NKAIN3: variants seen among roughly 807,000 people sequenced by gnomAD.
The protein encoded by NKAIN3 is sodium/potassium-transporting ATPase subunit beta-1-interacting protein 3.
In NKAIN3, 25 loss-of-function variants were observed where a neutral mutation model predicts 30.2. The observed-to-expected ratio is 0.83, with a 90% CI of 0.60 to 1.16. The LOEUF (loss-of-function observed/expected upper bound fraction) is 1.16. NKAIN3 is among the 50% of genes most tolerant of loss of function. NKAIN3 has a pLI of 0.00. For missense variants in NKAIN3, 225 were observed against 254.1 expected (o/e 0.89, Z 0.78); for synonymous variants, 91 against 89.6 (o/e 1.02, Z -0.09).
At position 62,465,717 on chromosome 8, in the gene NKAIN3, T is replaced by C. The variant is rs947448986; in HGVS notation, c.55-113822T>C. Among the ~76,000 whole-genome samples, 4 of 152,330 alleles carry C rather than the reference T, an allele frequency of 2.6e-5. No homozygotes were observed. The East Asian group carries it at 7.7e-4, about 29-fold the overall frequency. On this transcript the variant is annotated intron_variant, in intron 1 of 6. Transcript: ENST00000623646. ...TAATTACTTGTTTAAATAAAACTAA[T>C]TCAAATATAAGAGATACTTTCATTT...
intron 3 of NKAIN3, among the ~76,000 whole-genome samples, chr8:62,741,545 G>C (rs565769028): frequency 7.2e-5 from 11 of 152,254 alleles, no homozygotes; most frequent in African/African-American, 2.6e-4. Flanking sequence ...TTGAAGAGTC[G>C]AGGCTGAGAG....
intron 4 of NKAIN3, among the ~76,000 whole-genome samples, chr8:62,868,058 G>A (rs1820480520): frequency 6.6e-6 from 1 of 152,188 alleles, no homozygotes; most frequent in South Asian, 2.1e-4. Context: ...TGCAAAGAGT[G>A]TACTGGATCT....
chr8:62,686,843 C>T (rs1170525780), intron 3 of NKAIN3, among the ~76,000 whole-genome samples: 2 of 152,140 alleles, frequency 1.3e-5, no homozygotes, highest in African/African-American at 2.4e-5. Context: ...AGTAAACAAC[C>T]ACATGCATAT....
intron 3 of NKAIN3, among the ~76,000 whole-genome samples, chr8:62,606,270 G>A (rs1563480551): frequency 6.6e-6 from 1 of 152,070 alleles, no homozygotes; most frequent in African/African-American, 2.4e-5. Flanking sequence ...GTTACAGATT[G>A]TAACAATCAG....
At chr8:62,749,679 C>CTTTTTTTTTTTT (rs35908903) in intron 4 of NKAIN3, among the ~76,000 whole-genome samples, 6 of 97,264 alleles carry the variant, frequency 6.2e-5, no homozygotes, top group East Asian at 2.8e-4. Context: ...TTTTTCTTTT[C>CTTTTTTTTTTTT]TTTTTTTTTT....
intron 1 of NKAIN3, among the ~76,000 whole-genome samples, chr8:62,546,751 C>A (rs1312412637): frequency 1.3e-5 from 2 of 152,046 alleles, no homozygotes; most frequent in African/African-American, 4.8e-5. Flanking sequence ...TTAAACATAA[C>A]CTTTAAAAAT....
chr8:62,397,400 C>T (rs113636424), intron 1 of NKAIN3, among the ~76,000 whole-genome samples: 4 of 151,500 alleles, frequency 2.6e-5, no homozygotes, highest in Admixed American at 6.6e-5. Context: ...TTGTTTTCCT[C>T]AGGAGCACAA....
At chr8:62,762,959 C>A (rs1816714211) in intron 4 of NKAIN3, among the ~76,000 whole-genome samples, 1 of 151,984 alleles carries the variant, frequency 6.6e-6, no homozygotes, top group Admixed American at 6.6e-5. Flanking sequence ...CACAGTGGCT[C>A]ACACCTGTAA....
chr8:62,939,081 AG>A (rs1323576291), intron 5 of NKAIN3, among the ~76,000 whole-genome samples: 12 of 152,242 alleles, frequency 7.9e-5, no homozygotes, highest in African/African-American at 2.7e-4. Flanking sequence ...CTGGAAATGA[AG>A]GACACACTTA....
intron 4 of NKAIN3, among the ~76,000 whole-genome samples, chr8:62,904,333 A>G (rs1188837812): frequency 2.0e-5 from 3 of 152,204 alleles, no homozygotes; most frequent in Non-Finnish European, 4.4e-5. Flanking sequence ...AGCATTTTTG[A>G]TATCTTTCAA....
chr8:62,532,706 C>G (rs1267558325), intron 1 of NKAIN3, among the ~76,000 whole-genome samples: 1 of 152,174 alleles, frequency 6.6e-6, no homozygotes, highest in Non-Finnish European at 1.5e-5. Context: ...TCCCGCTCTG[C>G]TTCCAATTCC....
chr8:62,834,156 G>A (rs1472341617), intron 4 of NKAIN3, among the ~76,000 whole-genome samples: 4 of 151,988 alleles, frequency 2.6e-5, no homozygotes, highest in Non-Finnish European at 4.4e-5. Context: ...CAACGAATTA[G>A]GCTTAGAAAG....
intron 4 of NKAIN3, among the ~76,000 whole-genome samples, chr8:62,802,193 G>C (rs1413310781): frequency 1.3e-5 from 2 of 152,194 alleles, no homozygotes; most frequent in African/African-American, 4.8e-5. Context: ...GGAAAACACA[G>C]TGCAGGATAT....
intron 1 of NKAIN3, among the ~76,000 whole-genome samples, chr8:62,414,884 C>T (rs889500502): frequency 6.6e-6 from 1 of 151,310 alleles, no homozygotes; most frequent in Admixed American, 6.6e-5. Context: ...CTGACAAGGG[C>T]ATTTACCCAG....
At chr8:62,514,027 T>C (rs571614366) in intron 1 of NKAIN3, among the ~76,000 whole-genome samples, 1 of 152,230 alleles carries the variant, frequency 6.6e-6, no homozygotes. Context: ...AGGCCCCTTG[T>C]AGGGCTCAAT....
chr8:62,346,738 A>C (rs1816018792), intron 1 of NKAIN3, among the ~76,000 whole-genome samples: 1 of 152,096 alleles, frequency 6.6e-6, no homozygotes, highest in Non-Finnish European at 1.5e-5. Context: ...CTACATTAGT[A>C]ATTCACCACA....
At chr8:62,801,781 C>T (rs1374855145) in intron 4 of NKAIN3, among the ~76,000 whole-genome samples, 13 of 152,274 alleles carry the variant, frequency 8.5e-5, no homozygotes, top group South Asian at 8.3e-4. Flanking sequence ...ATGACTTTGA[C>T]GAGTTGAGAG....
chr8:62,303,428 A>G (rs1814122462), intron 1 of NKAIN3, among the ~76,000 whole-genome samples: 1 of 150,616 alleles, frequency 6.6e-6, no homozygotes, highest in South Asian at 2.1e-4. Flanking sequence ...ACTGCACTTC[A>G]GAGTACCCAA....
intron 1 of NKAIN3, among the ~76,000 whole-genome samples, chr8:62,391,237 A>C (rs1817576195): frequency 6.6e-6 from 1 of 152,130 alleles, no homozygotes; most frequent in Admixed American, 6.5e-5. Context: ...AACTATATGT[A>C]CCTTATCTTT....
Sources: gnomAD v4.1 joint callset for allele counts (sites outside exome capture counted in the v4.1 genomes callset) on GRCh38, gnomAD v4.1.1 for gene constraint, MANE v1.5 for transcripts, NCBI Gene and HGNC (gene_info 2026-07-23, HGNC 2026-07-21) for gene names.